PITPNC1: variants seen among roughly 807,000 people sequenced by gnomAD.
PITPNC1 encodes phosphatidylinositol transfer protein cytoplasmic 1, also known as cytoplasmic phosphatidylinositol transfer protein 1.
A neutral mutation model predicts 44.7 loss-of-function variants in PITPNC1; 18 were observed. The ratio of observed to expected loss-of-function variants is 0.40; its 90% CI spans 0.28 to 0.60. PITPNC1 has a LOEUF of 0.60. Ranked by LOEUF, PITPNC1 falls within the 20% of genes least tolerant of loss-of-function variation. The pLI, the probability that PITPNC1 is intolerant of heterozygous loss-of-function variation, is 0.39. For missense variants in PITPNC1, 290 were observed against 418.4 expected (o/e 0.69, Z 2.68); for synonymous variants, 141 against 149.6 (o/e 0.94, Z 0.42).
At chr17:67,589,399 G>A (rs1456099542) in intron 5 of PITPNC1, among the ~76,000 whole-genome samples, 1 of 152,178 alleles carries the variant, frequency 6.6e-6, no homozygotes, top group Non-Finnish European at 1.5e-5. Context: ...ATTCACAGGT[G>A]CTGTGATAAA....
At chr17:67,631,532 G>A (rs1232173198) in intron 5 of PITPNC1, among the ~76,000 whole-genome samples, 3 of 132,930 alleles carry the variant, frequency 2.3e-5, no homozygotes, top group East Asian at 4.1e-4. Context: ...GGGAGGCTGA[G>A]GCAGGAGAAT....
intron 1 of PITPNC1, among the ~76,000 whole-genome samples, chr17:67,479,759 A>G (rs1463011642): frequency 6.6e-6 from 1 of 152,208 alleles, no homozygotes; most frequent in Admixed American, 6.5e-5. Context: ...CAGTTCCTTT[A>G]GGTTCTAAGG....
chr17:67,659,940 C>T lies in PITPNC1; in HGVS notation c.463-9568C>T, dbSNP rs754978541. On this transcript the variant is annotated intron_variant, in intron 6 of 8. Transcript: ENST00000581322. ...TGTCACCCAGGATGCAGTGCAGTGG[C>T]GCAATCTCAGGTCACTGCAACCTCC... is the stretch of plus-strand genomic sequence containing the variant. Among the ~76,000 whole-genome samples the T allele has an allele frequency of 5.3e-5, 8 of 152,066 alleles. No homozygotes were observed. The South Asian group carries it at 1.0e-3, about 20-fold the overall frequency.
intron 5 of PITPNC1, among the ~76,000 whole-genome samples, chr17:67,579,977 G>A (rs2041208157): frequency 6.6e-6 from 1 of 152,056 alleles, no homozygotes; most frequent in Non-Finnish European, 1.5e-5. Flanking sequence ...TTCAAACTTG[G>A]AGAATGCAAA....
intron 6 of PITPNC1, among the ~76,000 whole-genome samples, chr17:67,645,343 GAAAAAAAAA>G (rs57827214): frequency 1.2e-5 from 1 of 81,304 alleles, no homozygotes; most frequent in Non-Finnish European, 2.7e-5. Flanking sequence ...CTCCATCTCA[GAAAAAAAAA>G]AAAAAAAAAA....
chr17:67,616,672 T>C (rs1358692384), intron 5 of PITPNC1, among the ~76,000 whole-genome samples: 1 of 152,140 alleles, frequency 6.6e-6, no homozygotes, highest in African/African-American at 2.4e-5. Flanking sequence ...GCTGGTGCTC[T>C]TTTTAGACAC....
chr17:67,455,064 T>C (rs887257675), intron 1 of PITPNC1, among the ~76,000 whole-genome samples: 22 of 152,142 alleles, frequency 1.4e-4, no homozygotes, highest in African/African-American at 4.8e-4. Flanking sequence ...CAAGTGATCC[T>C]CCTGCTTTGG....
chr17:67,379,006 C>G, intron 1 of PITPNC1: 1 of 985,422 alleles, frequency 1.0e-6, no homozygotes, highest in Non-Finnish European at 1.2e-6. Context: ...CCCGATCCTG[C>G]GAAGCCGCGA....
chr17:67,568,511 A>AT (rs1283233054), intron 4 of PITPNC1, among the ~76,000 whole-genome samples: 1 of 152,072 alleles, frequency 6.6e-6, no homozygotes, highest in Non-Finnish European at 1.5e-5. Context: ...GAATAAAGCT[A>AT]TTTTTTATTT....
In PITPNC1 at chr17:67,647,468, T is replaced by TTTTTTTGTG. The variant is rs1567757549; in HGVS notation, c.462+15236_462+15237insGTGTTTTTT. Among the ~76,000 whole-genome samples, 75 of 74,974 alleles carry TTTTTTTGTG rather than the reference T, an allele frequency of 1.0e-3. 1 individual carries two copies. Among genetic ancestry groups the TTTTTTTGTG allele is most frequent in the African/African-American group, 6.8e-3 (74 of 10,940 alleles). 49.2% of individuals were successfully genotyped at this position (74,974 alleles called of 152,430 possible). Reference sequence around the variant, plus strand: ...ATCACACCCAGCTAATTTTGGGTTTTTTTTTTTTTTTTTTTTTTTTTTTTT... The same window carrying TTTTTTTGTG: ...ATCACACCCAGCTAATTTTGGGTTTTTTTTTTGTGTTTTTTTTTTTTTTTTTTTTTTTTT... On this transcript the variant is annotated intron_variant, in intron 6 of 8. Transcript: ENST00000581322.
Position 67,431,062 on chromosome 17 carries a change from C to CTTTTT in PITPNC1, c.48+52870_48+52874dup, listed in dbSNP as rs6146118. 6.5e-3 allele frequency among the ~76,000 whole-genome samples: 866 copies of CTTTTT among 133,026 alleles called. 22 individuals carry two copies. The highest frequency in any genetic ancestry group is 0.013 in the East Asian group (60 of 4,610). 87.3% of individuals were successfully genotyped at this position (133,026 alleles called of 152,430 possible). A position where few individuals can be genotyped will look rare whatever the true frequency, so the allele number is the denominator to read the frequency against. ...TTTTTACTCTTTTTAGTTACTGTTT[C>CTTTTT]TTTTTTTTTTTTTTGCGATGGAATA... On this transcript the variant is annotated intron_variant, in intron 1 of 8. Transcript: ENST00000581322.
chr17:67,394,920 G>T (rs2038194856), intron 1 of PITPNC1, among the ~76,000 whole-genome samples: 1 of 151,932 alleles, frequency 6.6e-6, no homozygotes, highest in Admixed American at 6.6e-5. Context: ...AGGTTGCCAG[G>T]AGCAGTGGCT....
chr17:67,437,838 C>T (rs2038958312), intron 1 of PITPNC1, among the ~76,000 whole-genome samples: 1 of 152,104 alleles, frequency 6.6e-6, no homozygotes, highest in Non-Finnish European at 1.5e-5. Context: ...GAGGCCGAGG[C>T]GGGCGGATCA....
intron 1 of PITPNC1, among the ~76,000 whole-genome samples, chr17:67,395,177 T>C (rs904952527): frequency 3.3e-5 from 5 of 152,002 alleles, no homozygotes; most frequent in South Asian, 2.1e-4. Flanking sequence ...TTTCTTTTTT[T>C]TTTTTTTAGA....
intron 1 of PITPNC1, among the ~76,000 whole-genome samples, chr17:67,419,853 C>G (rs956956581): frequency 1.3e-5 from 2 of 151,940 alleles, no homozygotes; most frequent in African/African-American, 4.8e-5. Flanking sequence ...TTGCAGTGAG[C>G]CGAGACTGTG....
chr17:67,509,389 T>C (rs1039556520), intron 1 of PITPNC1, among the ~76,000 whole-genome samples: 2 of 150,484 alleles, frequency 1.3e-5, no homozygotes, highest in African/African-American at 4.9e-5. Context: ...ATAAAATAAA[T>C]AGCTGGGTGT....
chr17:67,601,180 T>C (rs1006670008), intron 5 of PITPNC1, among the ~76,000 whole-genome samples: 4 of 152,086 alleles, frequency 2.6e-5, no homozygotes, highest in African/African-American at 4.8e-5. Context: ...CTGGACACAT[T>C]GTCATGAAAC....
chr17:67,380,525 C>T (rs1312556372), intron 1 of PITPNC1, among the ~76,000 whole-genome samples: 3 of 152,110 alleles, frequency 2.0e-5, no homozygotes, highest in African/African-American at 7.2e-5. Flanking sequence ...TCGGCTTTGT[C>T]AGAGAAGCAG....
At chr17:67,640,329 C>G (rs765271703) in intron 6 of PITPNC1, among the ~76,000 whole-genome samples, 2 of 152,290 alleles carry the variant, frequency 1.3e-5, no homozygotes, top group South Asian at 4.1e-4. Context: ...GCTGCCGCAT[C>G]GCGGGCCCTG....
Sources: allele counts gnomAD v4.1 joint callset (sites outside exome capture counted in the v4.1 genomes callset), GRCh38; gene constraint gnomAD v4.1.1; transcripts MANE v1.5; gene names NCBI Gene and HGNC (gene_info 2026-07-23, HGNC 2026-07-21).